Variants in RANBP2 observed in about 807,000 individuals in gnomAD.
The protein encoded by RANBP2 is E3 SUMO-protein ligase RanBP2.
Under a neutral mutation model 303.6 loss-of-function variants are expected in RANBP2, and 57 were observed. That is an observed-to-expected ratio of 0.19 (90% CI 0.15 to 0.23). The LOEUF (loss-of-function observed/expected upper bound fraction) is 0.23. RANBP2 is among the 10% of genes least tolerant of loss of function. The pLI, the probability that RANBP2 is intolerant of heterozygous loss-of-function variation, is 1.00. For synonymous variants in RANBP2, 1,167 were observed against 1,301.5 expected (o/e 0.90, Z 2.23); for missense variants, 3,138 against 3,780.8 (o/e 0.83, Z 4.46).
At chr2:109,621,651 C>T in the RANBP2 span, among the ~76,000 whole-genome samples, 2 of 152,204 alleles carry the variant, frequency 1.3e-5, no homozygotes, top group East Asian at 1.9e-4. Context: ...CGGTGGCCTA[C>T]ACCTGTAATC....
rs751369630 is a variant in RANBP2 at position 108,748,999 on chromosome 2, G to T, written c.1143G>T (p.Gly381=). 1.9e-6 allele frequency: 3 copies of T among 1,611,782 alleles called. No individual in the cohort carries two copies. In the East Asian group the frequency reaches 6.7e-5, roughly 36 times the overall value. ...TTGAAACTTTTGCCAACAAAAGCGGGCAGTCTGCATTATATGATGCTCTGT... is the reference window on the plus strand; with the variant it reads ...TTGAAACTTTTGCCAACAAAAGCGGTCAGTCTGCATTATATGATGCTCTGT... ...EIVETFANKS[G]QSALYDALFS... Residue 381 remains glycine (G), a synonymous_variant, in exon 9 of 29, where the codon GGG becomes GGT. Transcript: ENST00000283195.
chr2:109,564,201 G>A, the RANBP2 span: 2 of 540,956 alleles, frequency 3.7e-6, no homozygotes, highest in Non-Finnish European at 5.8e-6. Context: ...AAGCAAGAAG[G>A]AGTCAAGTGA....
chr2:109,559,708 C>A, the RANBP2 span, among the ~76,000 whole-genome samples: 1 of 152,120 alleles, frequency 6.6e-6, no homozygotes, highest in African/African-American at 2.4e-5. Flanking sequence ...CACTCCTAAA[C>A]AAGAGATGGG....
chr2:109,542,877 T>C, the RANBP2 span: 5 of 152,496 alleles, frequency 3.3e-5, no homozygotes, highest in African/African-American at 1.2e-4. Context: ...ATAAGTTTCA[T>C]TGTCTGAAAA....
At chr2:109,609,488 A>G in the RANBP2 span, among the ~76,000 whole-genome samples, 1 of 152,138 alleles carries the variant, frequency 6.6e-6, no homozygotes, top group East Asian at 1.9e-4. Context: ...AATGAGAAGC[A>G]GCCTGGCTGC....
At chr2:109,250,705 G>A in the RANBP2 span, among the ~76,000 whole-genome samples, 2 of 151,794 alleles carry the variant, frequency 1.3e-5, no homozygotes, top group Admixed American at 6.6e-5. Context: ...GGACCTAGAA[G>A]CAAACTACCA....
chr2:108,812,563 T>A, the RANBP2 span: 2 of 1,153,254 alleles, frequency 1.7e-6, no homozygotes, highest in African/African-American at 3.0e-5. Flanking sequence ...GATAGTAGAT[T>A]GGGAAACCCT....
At chr2:109,270,847 G>A in the RANBP2 span, among the ~76,000 whole-genome samples, 1 of 152,252 alleles carries the variant, frequency 6.6e-6, no homozygotes, top group Admixed American at 6.5e-5. Flanking sequence ...GCGTTGGTAG[G>A]ATGGAGTGGC....
At chr2:108,807,762 C>T in the RANBP2 span, among the ~76,000 whole-genome samples, 2 of 152,088 alleles carry the variant, frequency 1.3e-5, no homozygotes, top group East Asian at 1.9e-4. Flanking sequence ...GGATTACAGG[C>T]GCCCACCACC....
chr2:109,174,988 C>T, the RANBP2 span, among the ~76,000 whole-genome samples: 1 of 152,124 alleles, frequency 6.6e-6, no homozygotes, highest in South Asian at 2.1e-4. Context: ...ATACCTTTTT[C>T]CAAAACAATA....
the RANBP2 span, chr2:109,432,552 G>C: frequency 6.2e-7 from 1 of 1,613,674 alleles, no homozygotes; most frequent in Non-Finnish European, 8.5e-7. Flanking sequence ...AGCTGGAGCT[G>C]CACAAGGGAG....
the RANBP2 span, among the ~76,000 whole-genome samples, chr2:109,691,936 C>T: frequency 6.6e-6 from 1 of 152,080 alleles, no homozygotes; most frequent in African/African-American, 2.4e-5. Flanking sequence ...GCGCCCGCCA[C>T]CGTGCCCAGC....
chr2:109,078,464 TAGAAGCAG>T, the RANBP2 span, among the ~76,000 whole-genome samples: 1 of 148,304 alleles, frequency 6.7e-6, no homozygotes, highest in Non-Finnish European at 1.5e-5. Context: ...GATGAATACA[TAGAAGCAG>T]AGAGTAGAAT....
chr2:109,685,204 C>T, the RANBP2 span, among the ~76,000 whole-genome samples: 1 of 152,194 alleles, frequency 6.6e-6, no homozygotes, highest in Non-Finnish European at 1.5e-5. Flanking sequence ...CATACTGTTC[C>T]ATTGTGCAGA....
the RANBP2 span, among the ~76,000 whole-genome samples, chr2:108,867,599 C>G: frequency 6.6e-6 from 1 of 152,078 alleles, no homozygotes; most frequent in Non-Finnish European, 1.5e-5. Flanking sequence ...GCATTTCACA[C>G]CATTCCTCCT....
At chr2:109,075,301 T>G in the RANBP2 span, among the ~76,000 whole-genome samples, 1 of 150,350 alleles carries the variant, frequency 6.7e-6, no homozygotes, top group Non-Finnish European at 1.5e-5. Flanking sequence ...CTCGGCTCAC[T>G]GCAACCACTG....
the RANBP2 span, among the ~76,000 whole-genome samples, chr2:109,580,228 A>G: frequency 6.6e-6 from 1 of 152,006 alleles, no homozygotes; most frequent in Non-Finnish European, 1.5e-5. Context: ...AAAGAACACT[A>G]TATTATGATC....
At chr2:109,575,636 C>T in the RANBP2 span, among the ~76,000 whole-genome samples, 1 of 152,186 alleles carries the variant, frequency 6.6e-6, no homozygotes, top group Non-Finnish European at 1.5e-5. Context: ...TAAACCACTG[C>T]CTTTGCAATT....
the RANBP2 span, among the ~76,000 whole-genome samples, chr2:108,827,801 G>GA: frequency 1.5e-5 from 2 of 135,526 alleles, no homozygotes; most frequent in Non-Finnish European, 3.1e-5. Flanking sequence ...GGGCGACAGA[G>GA]AGAGAATATG....
Sources: allele counts gnomAD v4.1 joint callset (sites outside exome capture counted in the v4.1 genomes callset), GRCh38; gene constraint gnomAD v4.1.1; transcripts MANE v1.5; gene names NCBI Gene and HGNC (gene_info 2026-07-23, HGNC 2026-07-21).